RBM47: variants seen among roughly 807,000 people sequenced by gnomAD.
RBM47 encodes the protein RNA-binding protein 47.
In RBM47, 21 loss-of-function variants were observed where a neutral mutation model predicts 47.1. That is an observed-to-expected ratio of 0.45 (90% CI 0.32 to 0.64). RBM47 has a LOEUF of 0.64. Ranked by LOEUF, RBM47 falls within the 30% of genes least tolerant of loss-of-function variation. The pLI is 0.05. For synonymous variants in RBM47, 375 were observed against 361.7 expected, an observed-to-expected ratio of 1.04 and a Z score of -0.42; for missense variants, 708 against 870.9, an observed-to-expected ratio of 0.81 and a Z score of 2.35.
At chr4:40,465,116 G>A (rs763254618) in intron 3 of RBM47, among the ~76,000 whole-genome samples, 1 of 151,736 alleles carries the variant, frequency 6.6e-6, no homozygotes, top group Non-Finnish European at 1.5e-5. Context: ...GAATTCAATG[G>A]ACTAAATCCA....
intron 1 of RBM47, among the ~76,000 whole-genome samples, chr4:40,616,094 T>C (rs1036179567): frequency 2.2e-4 from 34 of 152,174 alleles, no homozygotes; most frequent in Non-Finnish European, 4.7e-4. Context: ...GGCTCACGCT[T>C]GTAATCCCAG....
chr4:40,502,976 C>G (rs555527168), intron 2 of RBM47, among the ~76,000 whole-genome samples: 65 of 143,050 alleles, frequency 4.5e-4, no homozygotes, highest in African/African-American at 1.7e-3. Flanking sequence ...ATTGTACAAC[C>G]CTGTCTGTAC....
intron 2 of RBM47, among the ~76,000 whole-genome samples, chr4:40,531,171 G>GT (rs1021226886): frequency 1.6e-4 from 25 of 152,050 alleles, no homozygotes; most frequent in African/African-American, 5.8e-4. Context: ...AACGAAACCT[G>GT]TTTGCCATTC....
chr4:40,527,692 C>A (rs2154258395), intron 2 of RBM47, among the ~76,000 whole-genome samples: 1 of 130,078 alleles, frequency 7.7e-6, no homozygotes, highest in African/African-American at 2.9e-5. Flanking sequence ...CCTCCCAGGA[C>A]AAATGAAGTT....
At chr4:40,486,153 T>C (rs1721065788) in intron 2 of RBM47, among the ~76,000 whole-genome samples, 1 of 151,062 alleles carries the variant, frequency 6.6e-6, no homozygotes, top group Non-Finnish European at 1.5e-5. Context: ...AGAAACTGAT[T>C]ATTTATCTGA....
intron 2 of RBM47, among the ~76,000 whole-genome samples, chr4:40,521,403 G>A (rs568202480): frequency 1.3e-5 from 2 of 152,194 alleles, no homozygotes; most frequent in East Asian, 3.9e-4. Flanking sequence ...GTTTCACCAT[G>A]TTGGCCAGGC....
At chr4:40,467,749 A>G (rs1718266632) in intron 2 of RBM47, among the ~76,000 whole-genome samples, 1 of 152,216 alleles carries the variant, frequency 6.6e-6, no homozygotes, top group South Asian at 2.1e-4. Flanking sequence ...AGGAATTAAA[A>G]TATATCTTAA....
intron 1 of RBM47, among the ~76,000 whole-genome samples, chr4:40,598,591 AAG>A (rs1491222336): frequency 1.3e-5 from 2 of 152,176 alleles, no homozygotes; most frequent in African/African-American, 4.8e-5. Flanking sequence ...CTCAAAAAAA[AAG>A]AAGAGACAAA....
chr4:40,524,920 G>A (rs1380997481), intron 2 of RBM47, among the ~76,000 whole-genome samples: 1 of 152,188 alleles, frequency 6.6e-6, no homozygotes, highest in Non-Finnish European at 1.5e-5. Context: ...AGCAAGCCAA[G>A]GTCCTGTTTT....
chr4:40,437,090 A>AAAAAAAAAAAAAAAAATATATATAT (rs1256296949), intron 4 of RBM47, among the ~76,000 whole-genome samples: 2 of 49,796 alleles, frequency 4.0e-5, no homozygotes, highest in African/African-American at 2.2e-4. Flanking sequence ...AAAAAAAAAA[A>AAAAAAAAAAAAAAAAATATATATAT]ATATATATAT....
intron 1 of RBM47, among the ~76,000 whole-genome samples, chr4:40,606,861 A>C (rs1349813521): frequency 6.6e-6 from 1 of 152,124 alleles, no homozygotes; most frequent in Non-Finnish European, 1.5e-5. Context: ...AACAAAAATA[A>C]GTTAGCCAGG....
chr4:40,607,403 T>C (rs933017317), intron 1 of RBM47, among the ~76,000 whole-genome samples: 2 of 152,136 alleles, frequency 1.3e-5, no homozygotes, highest in Non-Finnish European at 1.5e-5. Flanking sequence ...CTTTCTGGGA[T>C]AATGAAAATA....
intron 2 of RBM47, among the ~76,000 whole-genome samples, chr4:40,512,841 CTCTT>C (rs1725129957): frequency 6.6e-6 from 1 of 152,090 alleles, no homozygotes; most frequent in South Asian, 2.1e-4. Flanking sequence ...TGGTATGGCT[CTCTT>C]TCCCTACTTG....
At chr4:40,492,846 G>A (rs1274765022) in intron 2 of RBM47, among the ~76,000 whole-genome samples, 2 of 152,064 alleles carry the variant, frequency 1.3e-5, no homozygotes, top group African/African-American at 4.8e-5. Flanking sequence ...TCAGGGGGCT[G>A]GAGCATTGCT....
At chr4:40,545,040 G>C (rs1338289834) in intron 1 of RBM47, among the ~76,000 whole-genome samples, 1 of 147,136 alleles carries the variant, frequency 6.8e-6, no homozygotes, top group African/African-American at 2.5e-5. Flanking sequence ...GGAAAACAGA[G>C]TGAGATCCTT....
At chr4:40,503,607 T>G (rs1289913439) in intron 2 of RBM47, among the ~76,000 whole-genome samples, 6 of 152,214 alleles carry the variant, frequency 3.9e-5, no homozygotes, top group Admixed American at 3.3e-4. Context: ...TCTTGTAGAT[T>G]TGCCAGCAGA....
chr4:40,444,900 A>G (rs1714273303), intron 3 of RBM47, among the ~76,000 whole-genome samples: 1 of 151,558 alleles, frequency 6.6e-6, no homozygotes, highest in South Asian at 2.1e-4. Context: ...CCTGACCTCA[A>G]GTGATCTGTC....
At chr4:40,435,906 C>T (rs1712259030) in intron 5 of RBM47, among the ~76,000 whole-genome samples, 1 of 151,632 alleles carries the variant, frequency 6.6e-6, no homozygotes, top group South Asian at 2.1e-4. Context: ...CTCCTCTAAT[C>T]CCAGCACTTT....
chr4:40,523,174 C>T (rs1292516291), intron 2 of RBM47, among the ~76,000 whole-genome samples: 1 of 151,526 alleles, frequency 6.6e-6, no homozygotes, highest in Non-Finnish European at 1.5e-5. Context: ...ACCATGTTGG[C>T]CAGGCTGGTC....
Sources: allele counts gnomAD v4.1 joint callset (sites outside exome capture counted in the v4.1 genomes callset), GRCh38; gene constraint gnomAD v4.1.1; transcripts MANE v1.5; gene names NCBI Gene and HGNC (gene_info 2026-07-23, HGNC 2026-07-21).